The following FNBP1 variants were observed in gnomAD, a reference collection of about 807,000 sequenced individuals.
FNBP1 encodes the protein formin-binding protein 1.
In FNBP1, 26 loss-of-function variants were observed where a neutral mutation model predicts 90.6. The ratio of observed to expected loss-of-function variants is 0.29; its 90% confidence interval spans 0.21 to 0.40. The LOEUF (loss-of-function observed/expected upper bound fraction) is 0.40. FNBP1 is among the 10% of genes least tolerant of loss of function. FNBP1 has a pLI of 1.00. For synonymous variants in FNBP1, 260 were observed against 265.2 expected, an observed-to-expected ratio of 0.98 and a Z score of 0.19; for missense variants, 635 against 768.0, an observed-to-expected ratio of 0.83 and a Z score of 2.05.
At chr9:129,975,223 AAAATTAAATAAAT>A (rs1438743490) in intron 4 of FNBP1, among the ~76,000 whole-genome samples, 3 of 152,278 alleles carry the variant, frequency 2.0e-5, no homozygotes, top group African/African-American at 7.2e-5. Flanking sequence ...CGTCTCAAAC[AAAATTAAATAAAT>A]AAATTAAATA....
At chr9:129,955,833 GCGCACACACA>G (rs1353905469) in intron 6 of FNBP1, among the ~76,000 whole-genome samples, 219 of 139,062 alleles carry the variant, frequency 1.6e-3, no homozygotes, top group African/African-American at 4.6e-3. Flanking sequence ...TTCTTTTAGC[GCGCACACACA>G]CACACACACA....
chr9:129,900,484 C>G lies in FNBP1; in HGVS notation c.1492G>C (p.Gly498Arg). 6.2e-7 allele frequency: 1 copy of G among 1,603,150 alleles called. No homozygotes were observed. The highest frequency in any genetic ancestry group is 8.5e-7 in the Non-Finnish European group (1 of 1,175,586). ...ARSEQARRQS[G>R]LYDSQNPPTV... is the part of the protein sequence containing the mutation. ...GGTGGGTTCTGGCTGTCGTACAGTC[C>G]GCTCTGCCGGCGCGCCTGCTCGCTG... Residue 498 changes from glycine to arginine, a missense_variant, in exon 14 of 17, where the codon GGA becomes CGA. Transcript: ENST00000446176. The surrounding 1 kb of genome is among the most constrained non-coding windows in gnomAD (Gnocchi z 4.1).
At chr9:129,911,238 G>T (rs569555959) in intron 11 of FNBP1, among the ~76,000 whole-genome samples, 2 of 152,082 alleles carry the variant, frequency 1.3e-5, no homozygotes, top group African/African-American at 4.8e-5. Context: ...TGACCTCCAC[G>T]TGCCCTTCTT....
the FNBP1 span, among the ~76,000 whole-genome samples, chr9:130,052,250 G>A: frequency 6.6e-6 from 1 of 152,118 alleles, no homozygotes; most frequent in African/African-American, 2.4e-5. Context: ...TGGACAGACA[G>A]CACTGGTATG....
chr9:129,895,698 G>A (rs1159451008), intron 16 of FNBP1, 140 bp downstream of exon 16: 4 of 1,340,740 alleles, frequency 3.0e-6, no homozygotes, highest in East Asian at 2.9e-5. Context: ...GTCCACGTGA[G>A]ACTACAGGAG....
At chr9:129,955,772 AAAAT>A (rs2046838095) in intron 6 of FNBP1, among the ~76,000 whole-genome samples, 1 of 151,264 alleles carries the variant, frequency 6.6e-6, no homozygotes, top group Non-Finnish European at 1.5e-5. Flanking sequence ...CATAAAAAAT[AAAAT>A]AAAAAGAGAC....
the FNBP1 span, among the ~76,000 whole-genome samples, chr9:130,051,283 A>G: frequency 1.3e-5 from 2 of 151,930 alleles, no homozygotes; most frequent in African/African-American, 4.8e-5. Context: ...GTTATCCACC[A>G]GCCTTGGCCT....
chr9:129,944,883 C>T lies in FNBP1; in HGVS notation c.513+12477G>A, dbSNP rs561897144. Among the ~76,000 whole-genome samples the T allele has an allele frequency of 1.2e-3, 179 of 152,308 alleles. 1 individual carries two copies. The highest frequency in any genetic ancestry group is 4.1e-3 in the African/African-American group (169 of 41,572). On this transcript the variant is annotated intron_variant, in intron 6 of 16. Transcript: ENST00000446176. ...AGCCATGGGCTAGGCCATTTACTAT[C>T]ATTGAAAATTAAAATACCTTATTAA...
chr9:129,904,878 A>G (rs758302476), intron 12 of FNBP1, among the ~76,000 whole-genome samples: 24 of 152,236 alleles, frequency 1.6e-4, no homozygotes, highest in Non-Finnish European at 2.9e-4. Context: ...CATCCTTGGC[A>G]CATAGTAGAT....
intron 1 of FNBP1, among the ~76,000 whole-genome samples, chr9:130,011,282 A>G (rs751869346): frequency 2.2e-5 from 3 of 136,498 alleles, no homozygotes; most frequent in South Asian, 4.6e-4. Context: ...TATATATAAC[A>G]TTATTACTTA....
At chr9:129,976,674 G>T (rs72757275) in intron 4 of FNBP1, among the ~76,000 whole-genome samples, 2 of 152,062 alleles carry the variant, frequency 1.3e-5, no homozygotes, top group African/African-American at 2.4e-5. Flanking sequence ...AAGTCCCTTG[G>T]GAAGCTTCTT....
In FNBP1 at chr9:129,957,636, T is replaced by C. The variant is rs1393508060; in HGVS notation, c.409-172A>G. ...GCGCCATCTTGGCTCACTGCAGCTT[T>C]GACCTTCCCGGCTCAGGTGATCCTC... On this transcript the variant is annotated intron_variant, in intron 5 of 16. Transcript: ENST00000446176. This position sits in a 1 kb window ranked among gnomAD's most constrained non-coding sequence, Gnocchi z 4.3. 6.6e-6 allele frequency among the ~76,000 whole-genome samples: 1 copy of C among 151,816 alleles called. No homozygotes were observed. The highest frequency in any genetic ancestry group is 1.5e-5 in the Non-Finnish European group (1 of 67,904).
intron 6 of FNBP1, among the ~76,000 whole-genome samples, chr9:129,944,200 G>T (rs1704271768): frequency 6.6e-6 from 1 of 151,896 alleles, no homozygotes; most frequent in South Asian, 2.1e-4. Context: ...CACACTCTTT[G>T]TCAAATAAAT....
At chr9:130,004,137 C>T (rs1274146433) in intron 1 of FNBP1, among the ~76,000 whole-genome samples, 1 of 151,646 alleles carries the variant, frequency 6.6e-6, no homozygotes, top group Admixed American at 6.6e-5. Flanking sequence ...GTGGCTCACA[C>T]CTGTAATCTC....
chr9:129,930,135 A>T (rs2042523257), intron 6 of FNBP1, among the ~76,000 whole-genome samples: 1 of 150,528 alleles, frequency 6.6e-6, no homozygotes, highest in African/African-American at 2.5e-5. Flanking sequence ...ATCCTGGCTC[A>T]CTGCAGCCTC....
rs558298568 is a variant in FNBP1 at position 130,028,721 on chromosome 9, G to A, written c.24+14231C>T. Among the ~76,000 whole-genome samples the A allele has an allele frequency of 5.3e-5, 8 of 152,296 alleles. No homozygotes were observed. The East Asian group carries it at 1.5e-3, about 29-fold the overall frequency. On this transcript the variant is annotated intron_variant, in intron 1 of 16. Transcript: ENST00000446176. The stretch of plus-strand genomic sequence containing the variant: ...GAGTTACTGTCCAAAAGGGCAACAC[G>A]TTATGACAGCTATGCTAGGTAACAG...
intron 1 of FNBP1, among the ~76,000 whole-genome samples, chr9:130,007,505 T>C (rs1032359836): frequency 2.6e-5 from 4 of 152,102 alleles, no homozygotes; most frequent in African/African-American, 9.7e-5. Context: ...GAATTTTGAC[T>C]GTGCTAGAGT....
chr9:129,984,635 T>G (rs2051840629), intron 2 of FNBP1, among the ~76,000 whole-genome samples: 1 of 152,038 alleles, frequency 6.6e-6, no homozygotes, highest in Non-Finnish European at 1.5e-5. Flanking sequence ...ATTAGGGATG[T>G]GGGTTCGCTG....
Position 129,916,014 on chromosome 9 carries a change from TAGAGAGAAAGAG to T in FNBP1, c.1171-46_1171-35del, listed in dbSNP as rs751368719. On this transcript the variant is annotated intron_variant, in intron 10 of 16. Transcript: ENST00000446176. The stretch of plus-strand genomic sequence containing the variant: ...AAAAATTGGAGAGGTATGGGAAAAA[TAGAGAGAAAGAG>T]AGAGAGAAAGAGAAAAAAAAACAAC... 3.1e-3 allele frequency: 4,779 copies of T among 1,547,932 alleles called. 10 individuals carry two copies. Among genetic ancestry groups the T allele is most frequent in the Non-Finnish European group, 3.6e-3 (4,096 of 1,125,338 alleles).
Sources: allele counts gnomAD v4.1 joint callset (sites outside exome capture counted in the v4.1 genomes callset), GRCh38; gene constraint gnomAD v4.1.1; non-coding constraint Gnocchi (gnomAD v3.1); transcripts MANE v1.5; gene names NCBI Gene and HGNC (gene_info 2026-07-23, HGNC 2026-07-21).